NAALADL2: variants seen among roughly 807,000 people sequenced by gnomAD.
NAALADL2 encodes the protein N-acetylated alpha-linked acidic dipeptidase like 2, also known as inactive N-acetylated-alpha-linked acidic dipeptidase-like protein 2.
In NAALADL2, 76 loss-of-function variants were observed where a neutral mutation model predicts 87.2. The observed-to-expected ratio is 0.87, with a 90% CI of 0.72 to 1.05. The LOEUF (loss-of-function observed/expected upper bound fraction) is 1.05. Among genes scored for constraint, NAALADL2 ranks in the 50% least tolerant of loss-of-function variants. NAALADL2 has a pLI of 0.00. For synonymous variants in NAALADL2, 354 were observed against 331.0 expected (o/e 1.07, Z -0.75); for missense variants, 1,089 against 945.8 (o/e 1.15, Z -1.99).
At chr3:175,448,404 T>C (rs1352139530) in intron 6 of NAALADL2, among the ~76,000 whole-genome samples, 1 of 152,226 alleles carries the variant, frequency 6.6e-6, no homozygotes, top group East Asian at 1.9e-4. Context: ...ATGTAAAATA[T>C]GTAAACCAAA....
intron 2 of NAALADL2, among the ~76,000 whole-genome samples, chr3:175,147,515 A>C (rs1221603930): frequency 6.6e-6 from 1 of 152,038 alleles, no homozygotes; most frequent in African/African-American, 2.4e-5. Context: ...GGTTGATGAT[A>C]TGTTTTTGCT....
chr3:175,031,608 G>A (rs895473760), intron 1 of NAALADL2, among the ~76,000 whole-genome samples: 4 of 151,982 alleles, frequency 2.6e-5, no homozygotes, highest in African/African-American at 7.2e-5. Context: ...TTGGTAGAAC[G>A]ATTTATTTTC....
At chr3:175,246,100 A>G (rs1314974255) in intron 3 of NAALADL2, among the ~76,000 whole-genome samples, 1 of 152,162 alleles carries the variant, frequency 6.6e-6, no homozygotes, top group Non-Finnish European at 1.5e-5. Context: ...TATAATTCTA[A>G]CAGTCTTTGA....
chr3:175,286,876 G>A (rs910497721), intron 4 of NAALADL2, among the ~76,000 whole-genome samples: 1 of 151,824 alleles, frequency 6.6e-6, no homozygotes, highest in African/African-American at 2.4e-5. Context: ...AGAATGGCTC[G>A]AGGAGCTTGA....
chr3:175,107,750 A>G (rs945968715), intron 2 of NAALADL2, among the ~76,000 whole-genome samples: 1 of 147,502 alleles, frequency 6.8e-6, no homozygotes, highest in Non-Finnish European at 1.5e-5. Flanking sequence ...TATTTCATTA[A>G]AAAATTTCAG....
intron 9 of NAALADL2, among the ~76,000 whole-genome samples, chr3:175,491,783 A>G (rs1728134759): frequency 6.6e-6 from 1 of 152,156 alleles, no homozygotes; most frequent in African/African-American, 2.4e-5. Context: ...AGCACCTACA[A>G]TCTATCTCCA....
intron 2 of NAALADL2, among the ~76,000 whole-genome samples, chr3:174,729,659 T>C (rs1300036221): frequency 1.3e-5 from 2 of 152,108 alleles, no homozygotes; most frequent in Non-Finnish European, 2.9e-5. Context: ...TTCTATCTTT[T>C]AATATAACTT....
chr3:175,776,280 G>A (rs1750229178), intron 13 of NAALADL2: 1 of 152,150 alleles, frequency 6.6e-6, no homozygotes, highest in Non-Finnish European at 1.5e-5. Flanking sequence ...CCAGTAGCCT[G>A]TTCCCTTGCT....
intron 2 of NAALADL2, among the ~76,000 whole-genome samples, chr3:174,566,172 C>A (rs900263348): frequency 6.6e-6 from 1 of 151,890 alleles, no homozygotes; most frequent in Non-Finnish European, 1.5e-5. Flanking sequence ...ACACTTGGAT[C>A]TTATCACTCT....
chr3:174,606,674 A>T (rs1035904612), intron 2 of NAALADL2, among the ~76,000 whole-genome samples: 1 of 152,188 alleles, frequency 6.6e-6, no homozygotes, highest in Non-Finnish European at 1.5e-5. Context: ...ACTATGTGAA[A>T]AGACCAAATC....
At chr3:175,229,415 AT>A (rs1371800422) in intron 2 of NAALADL2, among the ~76,000 whole-genome samples, 1 of 152,028 alleles carries the variant, frequency 6.6e-6, no homozygotes, top group Non-Finnish European at 1.5e-5. Flanking sequence ...TTTAAAACAT[AT>A]TTTTATGTTA....
At chr3:174,492,749 T>A (rs1454501864) in intron 1 of NAALADL2, among the ~76,000 whole-genome samples, 1 of 152,236 alleles carries the variant, frequency 6.6e-6, no homozygotes, top group Non-Finnish European at 1.5e-5. Flanking sequence ...ACAGTGCTCA[T>A]TACTAAGACA....
At chr3:174,457,976 G>GT (rs943979850) in intron 1 of NAALADL2, among the ~76,000 whole-genome samples, 2 of 152,036 alleles carry the variant, frequency 1.3e-5, no homozygotes, top group African/African-American at 2.4e-5. Flanking sequence ...TGACAGACAC[G>GT]TGGGCCTATT....
chr3:175,364,536 T>C (rs1765356422), intron 5 of NAALADL2, among the ~76,000 whole-genome samples: 1 of 147,778 alleles, frequency 6.8e-6, no homozygotes, highest in South Asian at 2.2e-4. Flanking sequence ...TACTCAAACG[T>C]TTTAATATTC....
chr3:175,650,635 T>C (rs1730643737), intron 11 of NAALADL2, among the ~76,000 whole-genome samples: 1 of 152,194 alleles, frequency 6.6e-6, no homozygotes, highest in African/African-American at 2.4e-5. Context: ...GAAATGATGA[T>C]TGGTTTCTGG....
intron 3 of NAALADL2, among the ~76,000 whole-genome samples, chr3:174,841,042 A>AC (rs1723971098): frequency 6.7e-6 from 1 of 149,346 alleles, no homozygotes; most frequent in Admixed American, 6.6e-5. Context: ...CTTTATTAAA[A>AC]AAAAAGAAGA....
chr3:175,391,562 A>G (rs1769074502), intron 5 of NAALADL2, among the ~76,000 whole-genome samples: 1 of 152,242 alleles, frequency 6.6e-6, no homozygotes, highest in African/African-American at 2.4e-5. Context: ...GAAACTGAAC[A>G]TTGACAGCAA....
chr3:175,390,778 G>A lies in NAALADL2; in HGVS notation c.1091-56451G>A, dbSNP rs886880904. 9.2e-5 allele frequency among the ~76,000 whole-genome samples: 14 copies of A among 152,222 alleles called. No homozygotes were observed. In the East Asian group the frequency reaches 2.7e-3, roughly 29 times the overall value. ...ATGTATACTCTAGTTCAGGCAGTTA[G>A]CGGGTGCTAAAGAGCTTTTTCTATA... On this transcript the variant is annotated intron_variant, in intron 5 of 13. Coordinates refer to ENST00000454872, the MANE Select transcript of NAALADL2 (RefSeq NM_207015.3).
At chr3:175,617,093 G>T (rs989034899) in intron 10 of NAALADL2, among the ~76,000 whole-genome samples, 2 of 152,088 alleles carry the variant, frequency 1.3e-5, no homozygotes, top group Non-Finnish European at 2.9e-5. Context: ...TGATTAAAAA[G>T]GCGTGAGTAA....
Sources: allele counts gnomAD v4.1 joint callset (sites outside exome capture counted in the v4.1 genomes callset), GRCh38; gene constraint gnomAD v4.1.1; transcripts MANE v1.5; gene names NCBI Gene and HGNC (gene_info 2026-07-23, HGNC 2026-07-21).